The following ZNF561 variants were observed in gnomAD, a reference collection of about 807,000 sequenced individuals.
ZNF561 encodes zinc finger protein 561.
ZNF561 carries 16 observed loss-of-function variants against 16.7 expected under a neutral mutation model. The ratio of observed to expected loss-of-function variants is 0.96; its 90% CI spans 0.65 to 1.45. The LOEUF (loss-of-function observed/expected upper bound fraction) is 1.45. Among genes scored for constraint, ZNF561 ranks in the 40% most tolerant of loss-of-function variants. ZNF561 has a pLI of 0.00. For missense variants in ZNF561, 580 were observed against 578.0 expected (o/e 1.00, Z -0.04); for synonymous variants, 190 against 192.1 (o/e 0.99, Z 0.09).
intron 1 of ZNF561, among the ~76,000 whole-genome samples, chr19:9,619,901 ATC>A (rs55756403): frequency 6.7e-3 from 75 of 11,272 alleles, no homozygotes; most frequent in Middle Eastern, 0.12. Context: ...ATCTATCTAT[ATC>A]TATCTATCTA....
chr19:9,610,582 CTG>C lies in ZNF561; in HGVS notation c.1077_1078del (p.His359GlnfsTer9). On this transcript the variant is annotated frameshift_variant, in exon 6 of 6. Transcript: ENST00000302851. LOFTEE classifies it low-confidence loss of function (END_TRUNC). Reference sequence around the variant, plus strand: ...CTTACACTGATAGGGTTTCTTTCCACTGTGACTTCGTATGTGTATAGAAAGGC... The same window carrying C: ...CTTACACTGATAGGGTTTCTTTCCACTGACTTCGTATGTGTATAGAAAGGC... 1.9e-6 allele frequency: 3 copies of C among 1,613,088 alleles called. No homozygotes were observed. Among genetic ancestry groups the C allele is most frequent in the Non-Finnish European group, 2.5e-6 (3 of 1,179,456 alleles).
rs771548555 is a variant in ZNF561, at chr19:9,617,080, A to C, written c.206T>G (p.Val69Gly). Residue 69 changes from valine to glycine, a missense_variant, in exon 4 of 6, where the codon GTG becomes GGG. Val to Gly is a moderately radical substitution (Grantham distance 109, BLOSUM62 -3). Transcript: ENST00000302851. ...CAGGTTCATGTAGTTCTCCAGCATC[A>C]CATCTCTGTAGAGGTATTTCTCAGT... ...DTTEKYLYRD[V>G]MLENYMNLAS... The C allele has an allele frequency of 2.5e-6, 4 of 1,613,012 alleles. No individual in the cohort carries two copies. Among genetic ancestry groups the C allele is most frequent in the African/African-American group, 1.3e-5 (1 of 75,018 alleles).
At chr19:9,620,276 G>A (rs1410010302) in intron 1 of ZNF561, among the ~76,000 whole-genome samples, 1 of 152,064 alleles carries the variant, frequency 6.6e-6, no homozygotes, top group East Asian at 1.9e-4. Context: ...TTTTAGTAGA[G>A]ACGCAGTTTC....
rs2074411301 is a variant in ZNF561, at chr19:9,609,685, T to TAG, written c.*513_*514dup. On this transcript the variant is annotated 3_prime_UTR_variant, in exon 6 of 6. Coordinates refer to ENST00000302851, the MANE Select transcript of ZNF561 (RefSeq NM_152289.3). Reference sequence around the variant, plus strand: ...GAACAGGCAAGGCTGTCACACTTCTTAGATTTTACAAGGGGACACAGAAAT... The same window carrying TAG: ...GAACAGGCAAGGCTGTCACACTTCTTAGAGATTTTACAAGGGGACACAGAAAT... 6.5e-6 allele frequency: 1 copy of TAG among 154,166 alleles called. No homozygotes were observed. The highest frequency in any genetic ancestry group is 6.4e-5 in the Admixed American group (1 of 15,656). The allele number at this position is 154,166 out of a possible 1,614,324, so 9.5% of individuals were successfully genotyped here.
At chr19:9,619,321 C>A in intron 2 of ZNF561, 111 bp downstream of exon 2, 1 of 898,742 alleles carries the variant, frequency 1.1e-6, no homozygotes, top group South Asian at 1.8e-5. Context: ...ACTTCAATTC[C>A]TCCTAAAAGA....
intron 3 of ZNF561, 128 bp from the exon 4 acceptor site, chr19:9,617,299 G>A (rs548766132): frequency 2.2e-6 from 3 of 1,366,112 alleles, no homozygotes; most frequent in East Asian, 5.4e-5. Flanking sequence ...CTACTCCAGG[G>A]TTTAATGTCT....
intron 5 of ZNF561, among the ~76,000 whole-genome samples, 159 bp downstream of exon 5, chr19:9,613,862 G>T (rs1039514179): frequency 6.6e-6 from 1 of 152,042 alleles, no homozygotes; most frequent in African/African-American, 2.4e-5. Context: ...GCCTAGGCTG[G>T]TCTTGAACTC....
rs186579712 is a variant in ZNF561, at chr19:9,616,890, G to A, written c.241+155C>T. 1,450 of 1,037,186 alleles carry A rather than the reference G, an allele frequency of 1.4e-3. 5 individuals are homozygous for A. The highest frequency in any genetic ancestry group is 8.2e-3 in the South Asian group (383 of 46,892). 64.2% of individuals were successfully genotyped at this position (1,037,186 alleles called of 1,614,324 possible). On this transcript the variant is annotated intron_variant, in intron 4 of 5. Transcript: ENST00000302851. The stretch of plus-strand genomic sequence containing the variant: ...ATTACAGGCATGAGCCACTGCGCCC[G>A]GCCTAGAATTTTTTTTTTAAGAGAC...
At chr19:9,617,265 C>T (rs1305177864) in intron 3 of ZNF561, 94 bp from the exon 4 acceptor site, 18 of 1,466,386 alleles carry the variant, frequency 1.2e-5, no homozygotes, top group East Asian at 7.4e-5. Context: ...CTCACTTACA[C>T]GTGGTTGTCA....
Position 9,618,155 on chromosome 19 carries a change from C to T in ZNF561, c.50G>A (p.Cys17Tyr). Residue 17 changes from cysteine to tyrosine, a missense_variant, in exon 3 of 6, where the codon TGC becomes TAC. Transcript: ENST00000302851. ...SRGFFSREPI[C>Y]PFEEKTKVER... ...TACCTTTGTCTTTTCTTCAAAAGGG[C>T]AGATTGGTTCCCTGGAAAAAAACCC... The T allele has an allele frequency of 6.4e-7, 1 of 1,551,064 alleles. No individual in the cohort carries two copies. The highest frequency in any genetic ancestry group is 8.7e-7 in the Non-Finnish European group (1 of 1,146,584).
rs199949373 is a variant in ZNF561 at position 9,610,564 on chromosome 19, T to G, written c.1097A>C (p.Gln366Pro). ...IRSHSGKKPY[Q>P]CKECGKAFTT... ...GAAGGCTTTCCCACATTCCTTACAC[T>G]GATAGGGTTTCTTTCCACTGTGACT... is the stretch of plus-strand genomic sequence containing the variant. The change falls in exon 6 of 6, where the codon CAG becomes CCG. Residue 366 changes from glutamine (Q) to proline (P), a missense_variant. By Grantham distance (76) the Gln-to-Pro change is moderately conservative. Coordinates refer to ENST00000302851, the MANE Select transcript of ZNF561 (RefSeq NM_152289.3). The G allele has an allele frequency of 7.2e-5, 116 of 1,613,454 alleles. 1 individual carries two copies. In the Admixed American group the frequency reaches 8.8e-4, roughly 12 times the overall value.
Position 9,610,072 on chromosome 19 carries a change from T to A in ZNF561, c.*128A>T. ...GATGTTGTATTCAGAACCTGTAGGT[T>A]TAATTTCAGACCCTCAGGATGGTAT... On this transcript the variant is annotated 3_prime_UTR_variant, in exon 6 of 6. Coordinates refer to ENST00000302851, the MANE Select transcript of ZNF561 (RefSeq NM_152289.3). The A allele has an allele frequency of 2.4e-6, 2 of 832,502 alleles. No homozygotes were observed. The highest frequency in any genetic ancestry group is 3.6e-6 in the Non-Finnish European group (2 of 552,730). The allele number at this position is 832,502 out of a possible 1,614,324, so 51.6% of individuals were successfully genotyped here. A position where few individuals can be genotyped will look rare whatever the true frequency, so the allele number is the denominator to read the frequency against.
chr19:9,612,292 T>C (rs370859464), intron 5 of ZNF561, among the ~76,000 whole-genome samples: 15 of 152,256 alleles, frequency 9.9e-5, no homozygotes, highest in African/African-American at 3.4e-4. Context: ...AGATCTTGGC[T>C]CACTGCAACC....
At chr19:9,619,893 C>CTATCTATATATG (rs1349557404) in intron 1 of ZNF561, among the ~76,000 whole-genome samples, 2 of 145,760 alleles carry the variant, frequency 1.4e-5, no homozygotes, top group South Asian at 4.3e-4. Flanking sequence ...ATCTATATAT[C>CTATCTATATATG]TATCTATATC....
At position 9,608,298 on chromosome 19, in the gene ZNF561, A is replaced by G. The variant is rs1039060164; in HGVS notation, c.*1902T>C. On this transcript the variant is annotated 3_prime_UTR_variant, in exon 6 of 6. Transcript: ENST00000302851. ...GAAAGAGGAGAGAGGAGAGAGGAGA[A>G]AGGAGAGAGGAGAGAGAGACCTATT... The G allele has an allele frequency of 6.6e-6, 1 of 151,540 alleles. No individual in the cohort carries two copies. Among genetic ancestry groups the G allele is most frequent in the Middle Eastern group, 3.2e-3 (1 of 314 alleles). 9.4% of individuals were successfully genotyped at this position (151,540 alleles called of 1,614,324 possible).
chr19:9,611,281 A>T lies in ZNF561; in HGVS notation c.380T>A (p.Phe127Tyr), dbSNP rs777396578. ...TGTCTTAAGGCAAAACTGTTCCCTG[A>T]AGACCTCTCCACAATTCTTACAGTC... ...LCDCKNCGEVFREQFCLKTHM... is the reference protein window; with the variant it reads ...LCDCKNCGEVYREQFCLKTHM... The change falls in exon 6 of 6, where the codon TTC becomes TAC. Residue 127 changes from phenylalanine (F) to tyrosine (Y), a missense_variant. By Grantham distance (22) the Phe-to-Tyr change is conservative. Coordinates refer to ENST00000302851, the MANE Select transcript of ZNF561 (RefSeq NM_152289.3). 1 of 1,613,964 alleles carries T rather than the reference A, an allele frequency of 6.2e-7. No individual in the cohort carries two copies. Among genetic ancestry groups the T allele is most frequent in the Admixed American group, 1.7e-5 (1 of 60,002 alleles).
At chr19:9,620,123 T>C (rs926067993) in intron 1 of ZNF561, among the ~76,000 whole-genome samples, 41 of 152,086 alleles carry the variant, frequency 2.7e-4, no homozygotes, top group Non-Finnish European at 7.4e-5. Flanking sequence ...AGAGTCTCAC[T>C]CTGTTGCCCA....
rs2074396837 is a variant in ZNF561 at position 9,608,910 on chromosome 19, C to T, written c.*1290G>A. The T allele has an allele frequency of 6.6e-6, 1 of 152,126 alleles. No homozygotes were observed. Among genetic ancestry groups the T allele is most frequent in the Admixed American group, 6.5e-5 (1 of 15,272 alleles). The allele number at this position is 152,126 out of a possible 1,614,324, so 9.4% of individuals were successfully genotyped here. A position where few individuals can be genotyped will look rare whatever the true frequency, so the allele number is the denominator to read the frequency against. ...TCAGAACAGGCCCCCCAAATTTGGA[C>T]ATAAACAGGCCATGAGAAACTGCCC... On this transcript the variant is annotated 3_prime_UTR_variant, in exon 6 of 6. Transcript: ENST00000302851.
chr19:9,618,305 C>T, intron 2 of ZNF561, 126 bp from the exon 3 acceptor site: 1 of 941,088 alleles, frequency 1.1e-6, no homozygotes, highest in Non-Finnish European at 1.6e-6. Context: ...GAAAACTACA[C>T]ACACAACACT....
Sources: gnomAD v4.1 joint callset for allele counts (sites outside exome capture counted in the v4.1 genomes callset) on GRCh38, gnomAD v4.1.1 for gene constraint, MANE v1.5 for transcripts, NCBI Gene and HGNC (gene_info 2026-07-23, HGNC 2026-07-21) for gene names.